Variants in SCAF11 observed in about 807,000 individuals in gnomAD.
The protein encoded by SCAF11 is SR-related CTD associated factor 11, also known as protein SCAF11.
In SCAF11, 47 loss-of-function variants were observed where a neutral mutation model predicts 140.5. That is an observed-to-expected ratio of 0.33 (90% CI 0.26 to 0.43). The LOEUF is 0.43. SCAF11 is among the 20% of genes least tolerant of loss of function. SCAF11 has a pLI of 1.00. For missense variants in SCAF11, 1,645 were observed against 1,705.1 expected (o/e 0.96, Z 0.62); for synonymous variants, 557 against 579.4 (o/e 0.96, Z 0.55).
chr12:45,942,607 T>A (rs1309233766), intron 6 of SCAF11, among the ~76,000 whole-genome samples: 6 of 152,170 alleles, frequency 3.9e-5, no homozygotes, highest in Admixed American at 3.9e-4. Flanking sequence ...TTGGAGACAT[T>A]CCAAGAATAT....
chr12:45,952,511 T>C (rs1945575672), intron 3 of SCAF11, among the ~76,000 whole-genome samples: 1 of 152,192 alleles, frequency 6.6e-6, no homozygotes, highest in Admixed American at 6.5e-5. Flanking sequence ...AAGTTGCTAC[T>C]CTTTTTCAAA....
At position 45,922,998 on chromosome 12, in the gene SCAF11, A is replaced by G; in HGVS notation, c.4063T>C (p.Leu1355=). ...GCAACACTTACTTTGCTTTCTGCCA[A>G]TTTTACAGCAGCATTAGAGGCTTTG... ...HSKASNAAVK[L]AESKVSVAVE... is the part of the protein sequence containing the mutation. Residue 1355 remains leucine (L), a synonymous_variant, in exon 13 of 15, where the codon TTG becomes CTG. Transcript: ENST00000369367. 1.2e-6 allele frequency: 2 copies of G among 1,614,136 alleles called. No homozygotes were observed. Among genetic ancestry groups the G allele is most frequent in the East Asian group, 2.2e-5 (1 of 44,876 alleles).
intron 1 of SCAF11, among the ~76,000 whole-genome samples, chr12:45,977,990 C>T (rs1198612056): frequency 6.6e-6 from 1 of 152,086 alleles, no homozygotes; most frequent in African/African-American, 2.4e-5. Context: ...ATTATGACTC[C>T]CAGTTAGGTT....
intron 9 of SCAF11, among the ~76,000 whole-genome samples, chr12:45,932,769 A>T (rs750956272): frequency 2.6e-5 from 4 of 152,108 alleles, no homozygotes; most frequent in Non-Finnish European, 5.9e-5. Context: ...TGAGGAGAGG[A>T]ATATGGTAAA....
At position 45,928,261 on chromosome 12, in the gene SCAF11, T is replaced by C. The variant is rs772262446; in HGVS notation, c.1440A>G (p.Gln480=). 3.7e-6 allele frequency: 6 copies of C among 1,614,034 alleles called. No individual in the cohort carries two copies. Among genetic ancestry groups the C allele is most frequent in the Middle Eastern group, 1.6e-4 (1 of 6,062 alleles). ...VGSSSSESCA[Q]DLPVLVGEEG... is the part of the protein sequence containing the mutation. The stretch of plus-strand genomic sequence containing the variant: ...CCTCACCAACTAGCACAGGAAGATC[T>C]TGAGCACAAGACTCAGAAGATGAAG... Residue 480 remains glutamine, a synonymous_variant, in exon 11 of 15, where the codon CAA becomes CAG. Coordinates refer to ENST00000369367, the MANE Select transcript of SCAF11 (RefSeq NM_004719.3).
intron 5 of SCAF11, among the ~76,000 whole-genome samples, chr12:45,948,061 C>A (rs186690864): frequency 6.6e-6 from 1 of 152,108 alleles, no homozygotes; most frequent in South Asian, 2.1e-4. Flanking sequence ...CTGAAAAGAA[C>A]GAATTCTTTT....
rs1185307961 is a variant in SCAF11 at position 45,943,481 on chromosome 12, T to C, written c.463+1768A>G. ...ACAGTATATTATTATAATTGTTCTA[T>C]ATTATTATTCATTATTGTTAATCTT... On this transcript the variant is annotated intron_variant, in intron 6 of 14. Coordinates refer to ENST00000369367, the MANE Select transcript of SCAF11 (RefSeq NM_004719.3). Among the ~76,000 whole-genome samples the C allele has an allele frequency of 2.6e-5, 4 of 152,282 alleles. No individual in the cohort carries two copies. The East Asian group carries it at 7.7e-4, about 29-fold the overall frequency.
rs1303760307 is a variant in SCAF11 at position 45,928,233 on chromosome 12, C to T, written c.1468G>A (p.Gly490Arg). ...QDLPVLVGEE[G>R]EVKKLENTGI... ...GTATTCTCGAGTTTTTTAACTTCCC[C>T]TTCCTCACCAACTAGCACAGGAAGA... Residue 490 changes from glycine (G) to arginine (R), a missense_variant, in exon 11 of 15, where the codon GGG (glycine) becomes AGG (arginine). Around this residue, in one of 2 missense-constraint regions of SCAF11, gnomAD observed 1,582 missense variants for 1,609.2 expected, o/e 0.98. Transcript: ENST00000369367. 2 of 1,613,908 alleles carry T rather than the reference C, an allele frequency of 1.2e-6. No individual in the cohort carries two copies. The highest frequency in any genetic ancestry group is 2.7e-5 in the African/African-American group (2 of 74,930).
At chr12:45,982,548 T>C (rs1946371399) in intron 1 of SCAF11, among the ~76,000 whole-genome samples, 1 of 152,026 alleles carries the variant, frequency 6.6e-6, no homozygotes, top group Admixed American at 6.5e-5. Flanking sequence ...CTACTAAAAA[T>C]ACAAAAATTA....
rs746816075 is a variant in SCAF11, at chr12:45,927,496, T to C, written c.2205A>G (p.Pro735=). The part of the protein sequence containing the change: ...CSDQNESEVE[P]SVNADLKQMN... ...TTTGTTTAAGATCAGCATTTACAGATGGTTCAACTTCAGATTCATTTTGGT... is the reference window on the plus strand; with the variant it reads ...TTTGTTTAAGATCAGCATTTACAGACGGTTCAACTTCAGATTCATTTTGGT... Residue 735 remains proline (P), a synonymous_variant, in exon 11 of 15, where the codon CCA becomes CCG. Transcript: ENST00000369367. 6 of 1,613,740 alleles carry C rather than the reference T, an allele frequency of 3.7e-6. No individual in the cohort carries two copies. The highest frequency in any genetic ancestry group is 3.3e-5 in the Admixed American group (2 of 59,982).
intron 12 of SCAF11, among the ~76,000 whole-genome samples, chr12:45,923,594 AT>A (rs1347594871): frequency 6.6e-6 from 1 of 152,158 alleles, no homozygotes; most frequent in Non-Finnish European, 1.5e-5. Context: ...GGAGAAAAAG[AT>A]TAAGATCCCA....
chr12:45,951,730 GA>G lies in SCAF11; in HGVS notation c.220-4del. On this transcript the variant is annotated splice_region_variant and splice_polypyrimidine_tract_variant and intron_variant, in intron 3 of 14. Transcript: ENST00000369367. ...TCAATAGGACATGAAGCCAGTGTCTGAAAAGTGATTAACAAATTATATCTTT... is the reference window on the plus strand; with the variant it reads ...TCAATAGGACATGAAGCCAGTGTCTGAAAGTGATTAACAAATTATATCTTT... The G allele has an allele frequency of 1.3e-6, 2 of 1,565,666 alleles. No individual in the cohort carries two copies. The highest frequency in any genetic ancestry group is 1.7e-6 in the Non-Finnish European group (2 of 1,147,352).
chr12:45,921,901 A>T lies in SCAF11; in HGVS notation c.*147T>A. On this transcript the variant is annotated 3_prime_UTR_variant, in exon 15 of 15. Transcript: ENST00000369367. ...TTGCAGTGCAGACCTATATTTATTT[A>T]GAACAAAACATCATATCCTATGTTA... 1 of 932,360 alleles carries T rather than the reference A, an allele frequency of 1.1e-6. No individual in the cohort carries two copies. The highest frequency in any genetic ancestry group is 1.6e-6 in the Non-Finnish European group (1 of 624,168). 57.8% of individuals were successfully genotyped at this position (932,360 alleles called of 1,614,324 possible).
At position 45,927,935 on chromosome 12, in the gene SCAF11, A is replaced by T. The variant is rs771318774; in HGVS notation, c.1766T>A (p.Leu589Gln). 2 of 1,613,436 alleles carry T rather than the reference A, an allele frequency of 1.2e-6. No individual in the cohort carries two copies. Among genetic ancestry groups the T allele is most frequent in the South Asian group, 2.2e-5 (2 of 90,984 alleles). Residue 589 changes from leucine (L) to glutamine (Q), a missense_variant, in exon 11 of 15, where the codon CTA (leucine) becomes CAA (glutamine). Physicochemically the swap from Leu to Gln is moderately radical, Grantham distance 113 (BLOSUM62 -2). Coordinates refer to ENST00000369367, the MANE Select transcript of SCAF11 (RefSeq NM_004719.3). ...VNEEKITESS[L>Q]VEITEHKDFT... ...ATCTTTATGTTCAGTAATTTCTACT[A>T]GGGAACTCTCTGTTATTTTTTCTTC... is the stretch of plus-strand genomic sequence containing the variant.
chr12:45,961,739 A>G lies in SCAF11; in HGVS notation c.180T>C (p.Asn60=), dbSNP rs1945835930. ...GAATACAAGTCATACAGAAGACATGATTACAGCTTTCTGGAAAACCAACTT... is the reference window on the plus strand; with the variant it reads ...GAATACAAGTCATACAGAAGACATGGTTACAGCTTTCTGGAAAACCAACTT... ...EKEVGFPESC[N]HVFCMTCILK... The change falls in exon 3 of 15, where the codon AAT becomes AAC. Residue 60 remains asparagine (N), a synonymous_variant. Coordinates refer to ENST00000369367, the MANE Select transcript of SCAF11 (RefSeq NM_004719.3). The G allele has an allele frequency of 1.2e-6, 2 of 1,613,252 alleles. No homozygotes were observed. The highest frequency in any genetic ancestry group is 1.7e-6 in the Non-Finnish European group (2 of 1,179,478).
rs777868744 is a variant in SCAF11, at chr12:45,934,535, C to T, written c.464-30G>A. On this transcript the variant is annotated intron_variant, in intron 6 of 14. Coordinates refer to ENST00000369367, the MANE Select transcript of SCAF11 (RefSeq NM_004719.3). ...ACAAAGACATAAAAGGACTTGGTTA[C>T]CTTGTATTAATTTTTATTAAAAAGG... is the stretch of plus-strand genomic sequence containing the variant. 5 of 1,467,754 alleles carry T rather than the reference C, an allele frequency of 3.4e-6. No individual in the cohort carries two copies. In the Admixed American group the frequency reaches 1.2e-4, roughly 36 times the overall value. 90.9% of individuals were successfully genotyped at this position (1,467,754 alleles called of 1,614,324 possible).
intron 5 of SCAF11, among the ~76,000 whole-genome samples, chr12:45,946,222 C>T (rs1945420098): frequency 1.3e-5 from 2 of 152,148 alleles, no homozygotes; most frequent in African/African-American, 4.8e-5. Context: ...TTCTTTGGAA[C>T]TGGTAAAAAG....
At position 45,964,762 on chromosome 12, in the gene SCAF11, C is replaced by T. The variant is rs144247252; in HGVS notation, c.-21-574G>A. 3.9e-5 allele frequency among the ~76,000 whole-genome samples: 6 copies of T among 152,060 alleles called. No individual in the cohort carries two copies. In the East Asian group the frequency reaches 1.2e-3, roughly 29 times the overall value. ...GGCACAGACATAAATGCAATTGAAGCTTAAGGAACAGAGATCAATTTGGAA... is the reference window on the plus strand; with the variant it reads ...GGCACAGACATAAATGCAATTGAAGTTTAAGGAACAGAGATCAATTTGGAA... On this transcript the variant is annotated intron_variant, in intron 1 of 14. Coordinates refer to ENST00000369367, the MANE Select transcript of SCAF11 (RefSeq NM_004719.3).
Position 45,933,826 on chromosome 12 carries a change from A to G in SCAF11, c.632+350T>C, listed in dbSNP as rs57470002. ...TCTACATGCCAGTCACTAGGATTCA[A>G]AGATGAATGGATCAGCTGTAAAAGG... On this transcript the variant is annotated intron_variant, in intron 8 of 14. Coordinates refer to ENST00000369367, the MANE Select transcript of SCAF11 (RefSeq NM_004719.3). Among the ~76,000 whole-genome samples, 814 of 152,264 alleles carry G rather than the reference A, an allele frequency of 5.3e-3. 6 individuals carry two copies. Among genetic ancestry groups the G allele is most frequent in the African/African-American group, 0.019 (774 of 41,564 alleles).
Sources: gnomAD v4.1 joint callset for allele counts (sites outside exome capture counted in the v4.1 genomes callset) on GRCh38, gnomAD v4.1.1 for gene constraint, gnomAD v4.1.1 regional missense constraint, MANE v1.5 for transcripts, NCBI Gene and HGNC (gene_info 2026-07-23, HGNC 2026-07-21) for gene names.